TNFRSF10A: variants seen among roughly 807,000 people sequenced by gnomAD.
TNFRSF10A encodes tumor necrosis factor receptor superfamily member 10A.
A neutral mutation model predicts 42.8 loss-of-function variants in TNFRSF10A; 44 were observed. The ratio of observed to expected loss-of-function variants is 1.03; its 90% CI spans 0.81 to 1.32. TNFRSF10A has a LOEUF of 1.32. Among genes scored for constraint, TNFRSF10A ranks in the 40% most tolerant of loss-of-function variants. The pLI, the probability that TNFRSF10A is intolerant of heterozygous loss-of-function variation, is 0.00. For missense variants in TNFRSF10A, 680 were observed against 602.0 expected, an observed-to-expected ratio of 1.13 and a Z score of -1.36; for synonymous variants, 259 against 234.2, an observed-to-expected ratio of 1.11 and a Z score of -0.97.
intron 3 of TNFRSF10A, 122 bp downstream of exon 3, chr8:23,202,526 G>A (rs1015363421): frequency 6.1e-5 from 44 of 716,158 alleles, no homozygotes; most frequent in Non-Finnish European, 1.1e-4. Context: ...ACATAACCAT[G>A]GAACAGGGTA....
In TNFRSF10A at chr8:23,200,779, GGA is replaced by G. The variant is rs775453178; in HGVS notation, c.630-21_630-20del. ...GGGGCACCTGGGTACACACAGGGAG[GGA>G]GGGGGGGGACTCTTGATGGAAAGCT... On this transcript the variant is annotated intron_variant, in intron 4 of 9. Coordinates refer to ENST00000221132, the MANE Select transcript of TNFRSF10A (RefSeq NM_003844.4). 5.2e-6 allele frequency: 8 copies of G among 1,525,436 alleles called. No individual in the cohort carries two copies. The African/African-American group carries it at 6.9e-5, about 13-fold the overall frequency. The allele number at this position is 1,525,436 out of a possible 1,614,324, so 94.5% of individuals were successfully genotyped here.
At position 23,199,353 on chromosome 8, in the gene TNFRSF10A, G is replaced by GA. The variant is rs1800871964; in HGVS notation, c.926dup (p.Val310ArgfsTer3). ...GGCTTTCCATTTGCTGCTCAGAGACGAAAGTGGACAGCGAGTCTGCGTTGC... is the reference window on the plus strand; with the variant it reads ...GGCTTTCCATTTGCTGCTCAGAGACGAAAAGTGGACAGCGAGTCTGCGTTGC... On this transcript the variant is annotated frameshift_variant, in exon 8 of 10. Coordinates refer to ENST00000221132, the MANE Select transcript of TNFRSF10A (RefSeq NM_003844.4). LOFTEE classifies it high-confidence loss of function. 1 of 1,614,184 alleles carries GA rather than the reference G, an allele frequency of 6.2e-7. No homozygotes were observed. The highest frequency in any genetic ancestry group is 1.3e-5 in the African/African-American group (1 of 75,046).
At chr8:23,196,807 TTA>T (rs759413375) in intron 9 of TNFRSF10A, among the ~76,000 whole-genome samples, 20 of 152,222 alleles carry the variant, frequency 1.3e-4, no homozygotes, top group Non-Finnish European at 2.8e-4. Context: ...TAAAGAGCTA[TTA>T]GCCCACTGAA....
intron 2 of TNFRSF10A, among the ~76,000 whole-genome samples, chr8:23,209,327 C>G (rs1327761797): frequency 6.6e-6 from 1 of 152,250 alleles, no homozygotes; most frequent in Admixed American, 6.5e-5. Context: ...ATCAGAGCCC[C>G]CACACGGAGT....
Position 23,191,588 on chromosome 8 carries a change from C to T in TNFRSF10A, c.*106G>A. On this transcript the variant is annotated 3_prime_UTR_variant, in exon 10 of 10. Transcript: ENST00000221132. ...GTGCTGGGATTACAGGCATGAGCCA[C>T]TACACCTGGCTAAGAATTTACTTTG... 7.0e-7 allele frequency: 1 copy of T among 1,420,666 alleles called. No individual in the cohort carries two copies. Among genetic ancestry groups the T allele is most frequent in the Admixed American group, 2.8e-5 (1 of 35,336 alleles). The allele number at this position is 1,420,666 out of a possible 1,614,324, so 88.0% of individuals were successfully genotyped here. A position where few individuals can be genotyped will look rare whatever the true frequency, so the allele number is the denominator to read the frequency against.
intron 1 of TNFRSF10A, chr8:23,224,311 AAAAAAAAAAAAG>A (rs1355066294): frequency 1.3e-5 from 2 of 153,954 alleles, no homozygotes; most frequent in Non-Finnish European, 2.8e-5. Context: ...AAAAAAAAAA[AAAAAAAAAAAAG>A]AAGAGAAGAA....
At chr8:23,219,156 C>T (rs971850667) in intron 1 of TNFRSF10A, among the ~76,000 whole-genome samples, 16 of 152,124 alleles carry the variant, frequency 1.1e-4, no homozygotes, top group African/African-American at 3.6e-4. Flanking sequence ...AGTGACACCT[C>T]CTCCACCAGA....
chr8:23,217,835 G>C (rs1229547212), intron 1 of TNFRSF10A, among the ~76,000 whole-genome samples: 2 of 152,180 alleles, frequency 1.3e-5, no homozygotes, highest in African/African-American at 2.4e-5. Context: ...GACAGTTCCA[G>C]TTCCCAGGGA....
chr8:23,192,289 C>T (rs1166182840), intron 9 of TNFRSF10A, among the ~76,000 whole-genome samples: 1 of 152,204 alleles, frequency 6.6e-6, no homozygotes, highest in Non-Finnish European at 1.5e-5. Context: ...GATGGATTGA[C>T]CCTACGGAGG....
intron 2 of TNFRSF10A, among the ~76,000 whole-genome samples, chr8:23,204,790 C>T (rs564202235): frequency 3.9e-5 from 6 of 152,104 alleles, no homozygotes; most frequent in Admixed American, 2.6e-4. Context: ...TTAAATAGCA[C>T]ACTCCTAAAT....
intron 1 of TNFRSF10A, among the ~76,000 whole-genome samples, chr8:23,223,685 G>A (rs947064192): frequency 6.6e-6 from 1 of 152,110 alleles, no homozygotes; most frequent in Non-Finnish European, 1.5e-5. Flanking sequence ...TATCCTTCAG[G>A]TACTTAGCTT....
At chr8:23,205,634 G>A (rs552812265) in intron 2 of TNFRSF10A, among the ~76,000 whole-genome samples, 2 of 151,960 alleles carry the variant, frequency 1.3e-5, no homozygotes, top group African/African-American at 4.8e-5. Flanking sequence ...ATCCTCCAAC[G>A]CGACAAGATG....
chr8:23,212,874 T>C (rs1801109615), intron 1 of TNFRSF10A, among the ~76,000 whole-genome samples: 1 of 152,220 alleles, frequency 6.6e-6, no homozygotes, highest in African/African-American at 2.4e-5. Context: ...CATGGAGGCC[T>C]CCTTTCATCA....
Position 23,225,095 on chromosome 8 carries a change from G to C in TNFRSF10A, c.-34C>G. ...GTCAATCCAAGAAGCAGCGTGCTTG[G>C]CTATGACAAGACAGAACTTCGCATT... On this transcript the variant is annotated 5_prime_UTR_variant, in exon 1 of 10. Coordinates refer to ENST00000221132, the MANE Select transcript of TNFRSF10A (RefSeq NM_003844.4). The C allele has an allele frequency of 3.4e-6, 5 of 1,472,692 alleles. No individual in the cohort carries two copies. In the South Asian group the frequency reaches 6.9e-5, roughly 20 times the overall value. 91.2% of individuals were successfully genotyped at this position (1,472,692 alleles called of 1,614,324 possible).
At position 23,224,785 on chromosome 8, in the gene TNFRSF10A, T is replaced by A. The variant is rs755974368; in HGVS notation, c.277A>T (p.Lys93Ter). Residue 93 changes from lysine to a stop codon, truncating the protein, a stop_gained, in exon 1 of 10, where the codon AAG (lysine) becomes TAG (stop). Coordinates refer to ENST00000221132, the MANE Select transcript of TNFRSF10A (RefSeq NM_003844.4). LOFTEE classifies it high-confidence loss of function. Reference sequence around the variant, plus strand: ...AGCAGGACCCCGACGACGACAAACTTGAAGGTCTTGTGGACCCGGAGCCGA... The same window carrying A: ...AGCAGGACCCCGACGACGACAAACTAGAAGGTCTTGTGGACCCGGAGCCGA... ...SPRLRVHKTF[K>*]FVVVGVLLQV... 9 of 1,569,164 alleles carry A rather than the reference T, an allele frequency of 5.7e-6. No individual in the cohort carries two copies. The highest frequency in any genetic ancestry group is 7.8e-6 in the Non-Finnish European group (9 of 1,157,408).
At chr8:23,208,588 T>C (rs928465757) in intron 2 of TNFRSF10A, among the ~76,000 whole-genome samples, 1 of 152,150 alleles carries the variant, frequency 6.6e-6, no homozygotes. Context: ...CCTGAGTAGC[T>C]GGGACTACAG....
At chr8:23,202,054 A>C in intron 3 of TNFRSF10A, 135 bp from the exon 4 acceptor site, 1 of 719,088 alleles carries the variant, frequency 1.4e-6, no homozygotes, top group South Asian at 1.7e-5. Flanking sequence ...CAGATTCTGC[A>C]CCAGCACACT....
At chr8:23,195,055 A>C (rs551403891) in intron 9 of TNFRSF10A, among the ~76,000 whole-genome samples, 1 of 152,190 alleles carries the variant, frequency 6.6e-6, no homozygotes, top group Non-Finnish European at 1.5e-5. Flanking sequence ...GCTACTCAGG[A>C]GGCTGAGGCG....
chr8:23,194,215 TG>T (rs1800793629), intron 9 of TNFRSF10A, among the ~76,000 whole-genome samples: 1 of 152,218 alleles, frequency 6.6e-6, no homozygotes, highest in Non-Finnish European at 1.5e-5. Context: ...TAGGTCTAGA[TG>T]TGTTTATGTG....
Sources: gnomAD v4.1 joint callset for allele counts (sites outside exome capture counted in the v4.1 genomes callset) on GRCh38, gnomAD v4.1.1 for gene constraint, MANE v1.5 for transcripts, NCBI Gene and HGNC (gene_info 2026-07-23, HGNC 2026-07-21) for gene names.